DTNA: variants seen among roughly 807,000 people sequenced by gnomAD.
DTNA encodes dystrophin-related protein 3.
DTNA carries 43 observed loss-of-function variants against 100.7 expected under a neutral mutation model. The ratio of observed to expected loss-of-function variants is 0.43; its 90% CI spans 0.33 to 0.55. DTNA has a LOEUF of 0.55. DTNA is among the 20% of genes least tolerant of loss of function. DTNA has a pLI of 0.04. For missense variants in DTNA, 798 were observed against 953.9 expected (o/e 0.84, Z 2.15); for synonymous variants, 349 against 347.9 (o/e 1.00, Z -0.04).
rs77893057 is a variant in DTNA, at chr18:34,782,969, C to A, written c.149-11068C>A. 1.6e-3 allele frequency among the ~76,000 whole-genome samples: 241 copies of A among 152,206 alleles called. 2 individuals are homozygous for A. In the East Asian group the frequency reaches 0.021, roughly 13 times the overall value. On this transcript the variant is annotated intron_variant, in intron 3 of 22. Coordinates refer to ENST00000444659, the MANE Select transcript of DTNA (RefSeq NM_001386795.1). ...CACTAGAATGTAGGGAATGATAAGA[C>A]CACATTAAAGATGTGAGCTCTAAAA...
At chr18:34,502,292 T>G (rs2040009475) in intron 1 of DTNA, among the ~76,000 whole-genome samples, 1 of 152,216 alleles carries the variant, frequency 6.6e-6, no homozygotes, top group African/African-American at 2.4e-5. Context: ...ATTTCAATTT[T>G]ATTCACTTTT....
chr18:34,618,939 A>G (rs2055891431), intron 1 of DTNA, among the ~76,000 whole-genome samples: 2 of 152,126 alleles, frequency 1.3e-5, no homozygotes, highest in South Asian at 4.1e-4. Flanking sequence ...ATTTCATATG[A>G]CAGATACAAT....
intron 1 of DTNA, among the ~76,000 whole-genome samples, chr18:34,644,603 G>A (rs1452454370): frequency 6.6e-6 from 1 of 152,014 alleles, no homozygotes; most frequent in Non-Finnish European, 1.5e-5. Flanking sequence ...TAATCATCAA[G>A]AATATCTGAG....
intron 1 of DTNA, among the ~76,000 whole-genome samples, chr18:34,695,868 A>G (rs983233527): frequency 5.3e-5 from 8 of 152,196 alleles, no homozygotes; most frequent in African/African-American, 1.9e-4. Context: ...CAGTTTCATT[A>G]GGAAAATTTT....
At chr18:34,666,769 C>A (rs1483775960) in intron 1 of DTNA, among the ~76,000 whole-genome samples, 1 of 152,032 alleles carries the variant, frequency 6.6e-6, no homozygotes, top group Non-Finnish European at 1.5e-5. Context: ...CTGTTCTGTT[C>A]CATTGGTCTA....
intron 1 of DTNA, among the ~76,000 whole-genome samples, chr18:34,613,686 T>C (rs1488102407): frequency 6.6e-6 from 1 of 152,182 alleles, no homozygotes; most frequent in African/African-American, 2.4e-5. Flanking sequence ...ACTCTTCAAT[T>C]CTGTGAAGGC....
At chr18:34,838,908 A>C in intron 13 of DTNA, 71 bp downstream of exon 13, 2 of 1,316,634 alleles carry the variant, frequency 1.5e-6, no homozygotes, top group Non-Finnish European at 2.2e-6. Context: ...AAGCAGTCTC[A>C]GCAAGGAGCA....
intron 11 of DTNA, among the ~76,000 whole-genome samples, chr18:34,835,050 T>C (rs1385444538): frequency 6.6e-6 from 1 of 152,192 alleles, no homozygotes; most frequent in Admixed American, 6.5e-5. Flanking sequence ...CTTGATTCAT[T>C]TCATTTTGAA....
At chr18:34,591,970 T>C (rs1413096775) in intron 1 of DTNA, among the ~76,000 whole-genome samples, 2 of 152,116 alleles carry the variant, frequency 1.3e-5, no homozygotes, top group Non-Finnish European at 2.9e-5. Context: ...TAACCCAAAA[T>C]AGAAGATTCA....
At chr18:34,876,261 A>T (rs2096816715) in intron 18 of DTNA, among the ~76,000 whole-genome samples, 1 of 152,264 alleles carries the variant, frequency 6.6e-6, no homozygotes. Flanking sequence ...ATATATCATT[A>T]ACATTCTTCG....
chr18:34,497,255 A>G (rs1184662778), intron 1 of DTNA, among the ~76,000 whole-genome samples: 1 of 152,186 alleles, frequency 6.6e-6, no homozygotes, highest in Non-Finnish European at 1.5e-5. Context: ...GATTGTCTCA[A>G]CTACCCAAAA....
At chr18:34,876,139 G>A (rs2096815015) in intron 18 of DTNA, among the ~76,000 whole-genome samples, 1 of 152,102 alleles carries the variant, frequency 6.6e-6, no homozygotes, top group African/African-American at 2.4e-5. Context: ...TTGCTTTTGT[G>A]TAAATAGATA....
At chr18:34,663,662 G>A (rs2085632454) in intron 1 of DTNA, among the ~76,000 whole-genome samples, 1 of 152,072 alleles carries the variant, frequency 6.6e-6, no homozygotes, top group African/African-American at 2.4e-5. Flanking sequence ...TTTGGCAAAT[G>A]TTTTTTGAAA....
intron 1 of DTNA, among the ~76,000 whole-genome samples, chr18:34,566,720 A>T (rs1272259205): frequency 6.6e-6 from 1 of 152,186 alleles, no homozygotes; most frequent in East Asian, 1.9e-4. Flanking sequence ...CTGATCTTCC[A>T]TGTAAAAGCA....
intron 1 of DTNA, among the ~76,000 whole-genome samples, chr18:34,544,215 A>C (rs1259515455): frequency 6.6e-6 from 1 of 152,066 alleles, no homozygotes; most frequent in Admixed American, 6.6e-5. Flanking sequence ...GGGGTTTTTC[A>C]TGTAAATAAC....
Position 34,834,503 on chromosome 18 carries a change from CA to C in DTNA, c.1176-3579del, listed in dbSNP as rs1256989002. ...GGGCAACAAGAGTGAAACTCCGTCTCAAAAAAAAAAAAGAGGTTTATTTGGC... is the reference window on the plus strand; with the variant it reads ...GGGCAACAAGAGTGAAACTCCGTCTCAAAAAAAAAAAGAGGTTTATTTGGC... On this transcript the variant is annotated intron_variant, in intron 11 of 22. Coordinates refer to ENST00000444659, the MANE Select transcript of DTNA (RefSeq NM_001386795.1). Among the ~76,000 whole-genome samples, 833 of 138,746 alleles carry C rather than the reference CA, an allele frequency of 6.0e-3. 4 individuals carry two copies. The highest frequency in any genetic ancestry group is 0.016 in the African/African-American group (606 of 37,834). The allele number at this position is 138,746 out of a possible 152,430, so 91.0% of individuals were successfully genotyped here.
intron 1 of DTNA, among the ~76,000 whole-genome samples, chr18:34,499,480 A>G (rs1389191127): frequency 6.6e-6 from 1 of 152,236 alleles, no homozygotes; most frequent in East Asian, 1.9e-4. Context: ...ATTAATGTAT[A>G]ATATGTATTA....
At chr18:34,639,304 A>G (rs942619201) in intron 1 of DTNA, among the ~76,000 whole-genome samples, 1 of 152,228 alleles carries the variant, frequency 6.6e-6, no homozygotes, top group African/African-American at 2.4e-5. Flanking sequence ...GCCAAATAGC[A>G]TCACCCTGTC....
At chr18:34,885,228 A>G (rs73418677) in intron 22 of DTNA, among the ~76,000 whole-genome samples, 79 of 152,368 alleles carry the variant, frequency 5.2e-4, no homozygotes, top group African/African-American at 1.8e-3. Context: ...TTAACGAGTG[A>G]AAGCAAAATC....
Sources: allele counts gnomAD v4.1 joint callset (sites outside exome capture counted in the v4.1 genomes callset), GRCh38; gene constraint gnomAD v4.1.1; transcripts MANE v1.5; gene names NCBI Gene and HGNC (gene_info 2026-07-23, HGNC 2026-07-21).